Variants in EFHB observed in about 807,000 individuals in gnomAD.
The protein encoded by EFHB is EF-hand domain-containing family member B.
In EFHB, 91 loss-of-function variants were observed where a neutral mutation model predicts 87.2. That is an observed-to-expected ratio of 1.04 (90% CI 0.88 to 1.24). The LOEUF (loss-of-function observed/expected upper bound fraction) is 1.24, where lower values mean the gene tolerates loss of function less well. Among genes scored for constraint, EFHB ranks in the 50% most tolerant of loss-of-function variants. EFHB has a pLI of 0.00. For missense variants in EFHB, 1,084 were observed against 998.8 expected, an observed-to-expected ratio of 1.09 and a Z score of -1.15; for synonymous variants, 325 against 333.6, an observed-to-expected ratio of 0.97 and a Z score of 0.28.
At chr3:19,907,651 G>A (rs1694884338) in intron 5 of EFHB, among the ~76,000 whole-genome samples, 1 of 152,162 alleles carries the variant, frequency 6.6e-6, no homozygotes, top group Admixed American at 6.5e-5. Context: ...CAACAGAGGA[G>A]TCTTTTTATT....
chr3:19,902,144 A>G (rs770513296), intron 6 of EFHB, among the ~76,000 whole-genome samples: 13 of 152,144 alleles, frequency 8.5e-5, no homozygotes, highest in Non-Finnish European at 1.9e-4. Flanking sequence ...TTACACAACA[A>G]TCTTGAGTTG....
chr3:19,941,266 G>A (rs751939441), intron 1 of EFHB: 4 of 282,674 alleles, frequency 1.4e-5, no homozygotes, highest in Non-Finnish European at 2.9e-5. Context: ...TCAGCATTCA[G>A]TTCTTCAAAT....
rs547193602 is a variant in EFHB, at chr3:19,906,319, G to A, written c.1289-570C>T. Among the ~76,000 whole-genome samples, 93 of 152,130 alleles carry A rather than the reference G, an allele frequency of 6.1e-4. 1 individual carries two copies. The Middle Eastern group carries it at 0.01, about 17-fold the overall frequency. On this transcript the variant is annotated intron_variant, in intron 5 of 12. Transcript: ENST00000295824. ...ACTCCAGCCTGGGCAACAGAGTGAG[G>A]CTCTTTCTCAAAAAACAAAAGAACT...
At chr3:19,914,538 A>C (rs1695162429) in intron 5 of EFHB, among the ~76,000 whole-genome samples, 1 of 151,726 alleles carries the variant, frequency 6.6e-6, no homozygotes, top group Non-Finnish European at 1.5e-5. Context: ...AAGATCGCTA[A>C]TAATAATAAT....
intron 2 of EFHB, 71 bp downstream of exon 2, chr3:19,920,434 G>C: frequency 1.6e-6 from 2 of 1,274,818 alleles, no homozygotes; most frequent in Non-Finnish European, 2.2e-6. Flanking sequence ...AAGGAACGTT[G>C]AGTTGCCTAT....
At position 19,899,394 on chromosome 3, in the gene EFHB, C is replaced by G. The variant is rs369866371; in HGVS notation, c.1502+38G>C. On this transcript the variant is annotated intron_variant, in intron 7 of 12. Transcript: ENST00000295824. ...ACAAGAGTATTTTTTAAATTCTATG[C>G]AAAGAAACTATCAATTTGAAGTTAA... The G allele has an allele frequency of 2.0e-6, 3 of 1,468,168 alleles. No homozygotes were observed. In the African/African-American group the frequency reaches 4.2e-5, roughly 21 times the overall value. The allele number at this position is 1,468,168 out of a possible 1,614,324, so 90.9% of individuals were successfully genotyped here.
At chr3:19,937,776 G>A (rs754878925), upstream of EFHB, among the ~76,000 whole-genome samples, 4 of 151,952 alleles carry the variant, frequency 2.6e-5, no homozygotes, top group Admixed American at 6.6e-5. Context: ...TACAACAAAC[G>A]CTTGTGGCAT....
intron 5 of EFHB, among the ~76,000 whole-genome samples, chr3:19,910,521 G>A (rs1004601809): frequency 1.1e-4 from 17 of 152,134 alleles, no homozygotes; most frequent in Non-Finnish European, 2.4e-4. Context: ...AGGGCCTGGG[G>A]GACCTCACCA....
rs138981055 is a variant in EFHB at position 19,901,342 on chromosome 3, C to T, written c.1419-1827G>A. On this transcript the variant is annotated intron_variant, in intron 6 of 12. Transcript: ENST00000295824. ...ATTTCTTTTGAAACGTGTAAAATTACAACACTACTATTTAATAACATTAAA... is the reference window on the plus strand; with the variant it reads ...ATTTCTTTTGAAACGTGTAAAATTATAACACTACTATTTAATAACATTAAA... 2.8e-4 allele frequency among the ~76,000 whole-genome samples: 42 copies of T among 152,270 alleles called. No individual in the cohort carries two copies. In the East Asian group the frequency reaches 8.1e-3, roughly 29 times the overall value.
chr3:19,916,754 C>G (rs1387160036), intron 4 of EFHB, among the ~76,000 whole-genome samples: 1 of 152,100 alleles, frequency 6.6e-6, no homozygotes, highest in African/African-American at 2.4e-5. Context: ...ACTCCATTTA[C>G]AATTTCACTC....
At chr3:19,937,931 G>A (rs555388913), upstream of EFHB, among the ~76,000 whole-genome samples, 8 of 152,194 alleles carry the variant, frequency 5.3e-5, no homozygotes, top group South Asian at 1.7e-3. Flanking sequence ...TAGCTCCTGC[G>A]GCCTGACAGT....
At chr3:19,912,260 T>C (rs1695088897) in intron 5 of EFHB, among the ~76,000 whole-genome samples, 1 of 152,152 alleles carries the variant, frequency 6.6e-6, no homozygotes, top group Admixed American at 6.5e-5. Flanking sequence ...GACTTTTCAG[T>C]GGAAACTTTA....
intron 1 of EFHB, among the ~76,000 whole-genome samples, chr3:19,923,957 C>T (rs1341026812): frequency 2.0e-5 from 3 of 152,190 alleles, no homozygotes; most frequent in Middle Eastern, 3.4e-3. Context: ...ATGAGCTGGG[C>T]ATGGTGGCCC....
chr3:19,880,385 G>T (rs1052701315), intron 12 of EFHB, among the ~76,000 whole-genome samples: 1 of 152,030 alleles, frequency 6.6e-6, no homozygotes, highest in Non-Finnish European at 1.5e-5. Flanking sequence ...GAGTAGCTGG[G>T]ATTACAGGTG....
intron 9 of EFHB, among the ~76,000 whole-genome samples, chr3:19,893,765 A>T (rs1430229062): frequency 6.6e-6 from 1 of 152,178 alleles, no homozygotes; most frequent in East Asian, 1.9e-4. Context: ...CCCCATTTGC[A>T]GTCATTCCAC....
Position 19,933,577 on chromosome 3 carries a change from C to A in EFHB, c.442G>T (p.Ala148Ser). Residue 148 changes from alanine (A) to serine (S), a missense_variant, in exon 1 of 13, where the codon GCT becomes TCT. Transcript: ENST00000295824. The part of the protein sequence containing the change: ...QAAGSRRAPL[A>S]SGPEGVEELV... ...TCCTCTACCCCTTCAGGGCCACTAG[C>A]CAAAGGAGCTCTCCTGCTCCCTGCA... 1 of 1,614,012 alleles carries A rather than the reference C, an allele frequency of 6.2e-7. No homozygotes were observed. The highest frequency in any genetic ancestry group is 8.5e-7 in the Non-Finnish European group (1 of 1,179,896).
intron 5 of EFHB, among the ~76,000 whole-genome samples, chr3:19,908,632 G>GAA (rs1694947568): frequency 6.7e-6 from 1 of 150,342 alleles, no homozygotes; most frequent in African/African-American, 2.5e-5. Context: ...AAGAAAGAAA[G>GAA]AAAGAAAGAA....
upstream of EFHB, among the ~76,000 whole-genome samples, chr3:19,935,782 C>T (rs939841207): frequency 4.6e-5 from 7 of 151,646 alleles, no homozygotes; most frequent in Admixed American, 2.0e-4. Context: ...GAGGTAGAGG[C>T]GGGTGGATCA....
chr3:19,942,234 CCTAAGGCATAAG>C (rs1696176315), intron 1 of EFHB: 1 of 152,380 alleles, frequency 6.6e-6, no homozygotes, highest in Non-Finnish European at 1.5e-5. Flanking sequence ...CAACCTTTTG[CCTAAGGCATAAG>C]CAATAGAAGC....
Sources: gnomAD v4.1 joint callset for allele counts (sites outside exome capture counted in the v4.1 genomes callset) on GRCh38, gnomAD v4.1.1 for gene constraint, MANE v1.5 for transcripts, NCBI Gene and HGNC (gene_info 2026-07-23, HGNC 2026-07-21) for gene names.